LINGO2: variants seen among roughly 807,000 people sequenced by gnomAD.
LINGO2 encodes the protein leucine rich repeat and Ig domain containing 2.
LINGO2 carries 14 observed loss-of-function variants against 30.6 expected under a neutral mutation model. That is an observed-to-expected ratio of 0.46 (90% confidence interval 0.30 to 0.72). The LOEUF (loss-of-function observed/expected upper bound fraction) is 0.72. LINGO2 is among the 30% of genes least tolerant of loss of function. The pLI is 0.07. For missense variants in LINGO2, 729 were observed against 751.7 expected (o/e 0.97, Z 0.35); for synonymous variants, 317 against 288.5 (o/e 1.10, Z -1.00).
intron 5 of LINGO2, among the ~76,000 whole-genome samples, chr9:27,999,458 G>T (rs1364169396): frequency 6.6e-6 from 1 of 151,838 alleles, no homozygotes; most frequent in Non-Finnish European, 1.5e-5. Context: ...GAGAGAGAGA[G>T]AGAGAGAGAG....
intron 4 of LINGO2, among the ~76,000 whole-genome samples, chr9:28,052,499 C>T (rs1824723139): frequency 6.6e-6 from 1 of 152,006 alleles, no homozygotes; most frequent in Non-Finnish European, 1.5e-5. Context: ...CAGAGGTATA[C>T]CAGGCCATTT....
At chr9:28,022,964 G>A (rs888692095) in intron 4 of LINGO2, among the ~76,000 whole-genome samples, 3 of 151,894 alleles carry the variant, frequency 2.0e-5, no homozygotes, top group Non-Finnish European at 4.4e-5. Context: ...TTCTACTAAT[G>A]AACTCCTCAA....
At chr9:28,611,788 CTTTT>C (rs1362562828) in intron 1 of LINGO2, among the ~76,000 whole-genome samples, 1 of 151,234 alleles carries the variant, frequency 6.6e-6, no homozygotes, top group African/African-American at 2.4e-5. Context: ...GCCACATTTT[CTTTT>C]TTATTTATGT....
intron 1 of LINGO2, among the ~76,000 whole-genome samples, chr9:28,495,145 AT>A (rs1279550396): frequency 1.3e-5 from 2 of 151,536 alleles, no homozygotes; most frequent in East Asian, 2.0e-4. Context: ...AGATTGCAAA[AT>A]TTTTTTCCCA....
the LINGO2 span, among the ~76,000 whole-genome samples, chr9:28,784,422 T>A: frequency 1.3e-5 from 2 of 152,194 alleles, no homozygotes; most frequent in African/African-American, 4.8e-5. Flanking sequence ...AGCTGCTTAC[T>A]AGCTGTGTGA....
intron 1 of LINGO2, among the ~76,000 whole-genome samples, chr9:28,505,987 T>A (rs1015469226): frequency 6.6e-6 from 1 of 151,876 alleles, no homozygotes; most frequent in Non-Finnish European, 1.5e-5. Flanking sequence ...ATTATATCTC[T>A]AGGTCCAGCA....
At chr9:28,398,215 C>T (rs943446757) in intron 2 of LINGO2, among the ~76,000 whole-genome samples, 3 of 152,088 alleles carry the variant, frequency 2.0e-5, no homozygotes, top group African/African-American at 7.2e-5. Flanking sequence ...ATTACAGCAT[C>T]AATGATATAT....
chr9:28,299,895 C>G (rs985773400), intron 3 of LINGO2, among the ~76,000 whole-genome samples: 2 of 152,104 alleles, frequency 1.3e-5, no homozygotes, highest in African/African-American at 4.8e-5. Context: ...ATACTCCTGT[C>G]TTTCCAATAC....
At position 28,002,256 on chromosome 9, in the gene LINGO2, C is replaced by T. The variant is rs118142374; in HGVS notation, c.-36+10099G>A. On this transcript the variant is annotated intron_variant, in intron 5 of 5. Transcript: ENST00000379992. ...CCCAACAAATTAAATTCTCTCTTCC[C>T]TTCCCTCCATTTTTTTTTTGTTCCC... Among the ~76,000 whole-genome samples the T allele has an allele frequency of 1.5e-3, 201 of 136,564 alleles. 2 individuals are homozygous for T. The East Asian group carries it at 0.043, about 29-fold the overall frequency. The allele number at this position is 136,564 out of a possible 152,430, so 89.6% of individuals were successfully genotyped here. A position where few individuals can be genotyped will look rare whatever the true frequency, so the allele number is the denominator to read the frequency against.
chr9:28,126,153 G>T (rs1827229446), intron 4 of LINGO2, among the ~76,000 whole-genome samples: 1 of 152,104 alleles, frequency 6.6e-6, no homozygotes, highest in African/African-American at 2.4e-5. Flanking sequence ...TGTAGTCAAG[G>T]AATGTGATAT....
chr9:28,763,369 T>A, the LINGO2 span, among the ~76,000 whole-genome samples: 4 of 151,712 alleles, frequency 2.6e-5, no homozygotes, highest in African/African-American at 9.7e-5. Context: ...AAACTAGAAA[T>A]CAGTAACAGT....
At chr9:28,922,715 TTAAG>T in the LINGO2 span, among the ~76,000 whole-genome samples, 2 of 152,196 alleles carry the variant, frequency 1.3e-5, no homozygotes, top group African/African-American at 4.8e-5. Flanking sequence ...TTTTTGTTAA[TTAAG>T]TGTCACTACT....
At chr9:28,349,794 G>A (rs1379971408) in intron 3 of LINGO2, among the ~76,000 whole-genome samples, 15 of 151,804 alleles carry the variant, frequency 9.9e-5, no homozygotes, top group Admixed American at 2.0e-4. Context: ...GACTAACAGC[G>A]GATCTCTCGG....
intron 1 of LINGO2, among the ~76,000 whole-genome samples, chr9:28,510,272 T>A (rs1179652825): frequency 6.6e-6 from 1 of 152,172 alleles, no homozygotes; most frequent in African/African-American, 2.4e-5. Context: ...TCCCATCACT[T>A]AACTACTAAT....
intron 1 of LINGO2, among the ~76,000 whole-genome samples, chr9:28,507,990 A>G (rs964601678): frequency 2.0e-5 from 3 of 152,048 alleles, no homozygotes; most frequent in Non-Finnish European, 4.4e-5. Context: ...ATTTGGAAAG[A>G]AAAAAATAGG....
At chr9:28,576,918 G>A (rs1160520511) in intron 1 of LINGO2, among the ~76,000 whole-genome samples, 1 of 152,138 alleles carries the variant, frequency 6.6e-6, no homozygotes, top group Non-Finnish European at 1.5e-5. Context: ...TTTAAGAACT[G>A]CAAAATTTTT....
the LINGO2 span, among the ~76,000 whole-genome samples, chr9:28,771,984 T>C: frequency 6.6e-6 from 1 of 152,076 alleles, no homozygotes; most frequent in African/African-American, 2.4e-5. Flanking sequence ...AGACAAGGAG[T>C]ATATCTACCC....
At chr9:27,947,014 C>G (rs376242013), downstream of LINGO2, among the ~76,000 whole-genome samples, 298 of 152,156 alleles carry the variant, frequency 2.0e-3, no homozygotes, top group Non-Finnish European at 3.5e-3. Flanking sequence ...GAATGTCAAC[C>G]CGCCAATCCA....
intron 3 of LINGO2, among the ~76,000 whole-genome samples, chr9:28,302,747 A>G (rs1445716842): frequency 6.6e-6 from 1 of 152,198 alleles, no homozygotes; most frequent in African/African-American, 2.4e-5. Context: ...TATTCTAAAG[A>G]AGAGAGATGG....
Sources: allele counts gnomAD v4.1 joint callset (sites outside exome capture counted in the v4.1 genomes callset), GRCh38; gene constraint gnomAD v4.1.1; transcripts MANE v1.5; gene names NCBI Gene and HGNC (gene_info 2026-07-23, HGNC 2026-07-21).